The following IRAK4 variants were observed in gnomAD, a reference collection of about 807,000 sequenced individuals.
IRAK4 encodes the protein interleukin-1 receptor-associated kinase 4.
A neutral mutation model predicts 51.8 loss-of-function variants in IRAK4; 44 were observed. The ratio of observed to expected loss-of-function variants is 0.85; its 90% CI spans 0.67 to 1.09. The LOEUF is 1.09. IRAK4 is among the 50% of genes least tolerant of loss of function. The pLI is 0.00. For missense variants in IRAK4, 487 were observed against 538.0 expected, an observed-to-expected ratio of 0.91 and a Z score of 0.94; for synonymous variants, 149 against 174.1, an observed-to-expected ratio of 0.86 and a Z score of 1.13.
intron 1 of IRAK4, among the ~76,000 whole-genome samples, chr12:43,762,168 GGT>G: frequency 6.6e-6 from 1 of 152,114 alleles, no homozygotes; most frequent in Non-Finnish European, 1.5e-5. Context: ...GTAAGTATGT[GGT>G]TGGGAGTGGT....
Position 43,786,972 on chromosome 12 carries a change from A to G in IRAK4, c.*257A>G. ...ATCTCCTTCAAGCATCACCAAACAC[A>G]GTTTGAAAATTACAGGGTTAGCAAA... On this transcript the variant is annotated 3_prime_UTR_variant, in exon 12 of 12. Transcript: ENST00000613694. 2.0e-6 allele frequency: 1 copy of G among 500,714 alleles called. No homozygotes were observed. The highest frequency in any genetic ancestry group is 2.6e-5 in the South Asian group (1 of 38,110). The allele number at this position is 500,714 out of a possible 1,614,324, so 31.0% of individuals were successfully genotyped here.
In IRAK4 at chr12:43,782,543, A is replaced by C. The variant is rs4251525; in HGVS notation, c.1125+53A>C. The C allele has an allele frequency of 3.4e-3, 4,778 of 1,404,622 alleles. 118 individuals carry two copies. In the African/African-American group the frequency reaches 0.055, roughly 16 times the overall value. The allele number at this position is 1,404,622 out of a possible 1,614,324, so 87.0% of individuals were successfully genotyped here. On this transcript the variant is annotated intron_variant, in intron 9 of 11. Coordinates refer to ENST00000613694, the MANE Select transcript of IRAK4 (RefSeq NM_016123.4). ...AATAATCATTCTGCTATAATTGTGA[A>C]AATGAAGAGAATATTATTTAATACA...
At chr12:43,780,572 C>CTTT (rs530751019) in intron 8 of IRAK4, among the ~76,000 whole-genome samples, 43 of 134,096 alleles carry the variant, frequency 3.2e-4, no homozygotes, top group African/African-American at 1.1e-3. Flanking sequence ...CCTGTATGTT[C>CTTT]TTTTTTTTTT....
rs764597369 is a variant in IRAK4 at position 43,771,348 on chromosome 12, C to A, written c.290C>A (p.Ala97Glu). The change falls in exon 3 of 12, where the codon GCG becomes GAG. Residue 97 changes from alanine (A) to glutamate (E), a missense_variant. By Grantham distance (107) the Ala-to-Glu change is moderately radical. Transcript: ENST00000613694. ...LLIQNEFFAP[A>E]SLLLPDAVPK... Reference sequence around the variant, plus strand: ...ATCCAAAATGAATTTTTTGCTCCTGCGAGTCTTTTGCTCCCAGGTAAACTG... The same window carrying A: ...ATCCAAAATGAATTTTTTGCTCCTGAGAGTCTTTTGCTCCCAGGTAAACTG... 6.2e-7 allele frequency: 1 copy of A among 1,614,100 alleles called. No homozygotes were observed. Among genetic ancestry groups the A allele is most frequent in the Non-Finnish European group, 8.5e-7 (1 of 1,179,980 alleles).
intron 10 of IRAK4, among the ~76,000 whole-genome samples, chr12:43,784,742 G>A (rs1942064488): frequency 6.6e-6 from 1 of 152,142 alleles, no homozygotes; most frequent in South Asian, 2.1e-4. Context: ...AATCTTTGGA[G>A]AAGGTTTTAC....
chr12:43,759,539 C>T (rs4251568), intron 1 of IRAK4: 4 of 152,566 alleles, frequency 2.6e-5, no homozygotes, highest in Non-Finnish European at 4.4e-5. Context: ...AAAAGTGTAC[C>T]TGTCAGCTTG....
In IRAK4 at chr12:43,768,213, G is replaced by T; in HGVS notation, c.102G>T (p.Lys34Asn). The T allele has an allele frequency of 6.2e-7, 1 of 1,613,376 alleles. No individual in the cohort carries two copies. Among genetic ancestry groups the T allele is most frequent in the Non-Finnish European group, 8.5e-7 (1 of 1,179,484 alleles). ...DFIDPQEGWK[K>N]LAVAIKKPSG... ...TTGATCCTCAAGAAGGATGGAAGAA[G>T]TTAGCTGTAGCTATTAAAAAACCAT... The change falls in exon 2 of 12, where the codon AAG becomes AAT. Residue 34 changes from lysine (K) to asparagine (N), a missense_variant. Transcript: ENST00000613694.
chr12:43,767,188 A>G (rs1209262307), intron 1 of IRAK4, among the ~76,000 whole-genome samples: 1 of 152,224 alleles, frequency 6.6e-6, no homozygotes, highest in African/African-American at 2.4e-5. Flanking sequence ...ATTGGAAGGA[A>G]AGATCATTTC....
intron 1 of IRAK4, among the ~76,000 whole-genome samples, chr12:43,760,195 T>C (rs1347878913): frequency 6.8e-6 from 1 of 146,824 alleles, no homozygotes; most frequent in Admixed American, 6.6e-5. Context: ...GTAAACTTGG[T>C]TATGCTGTCT....
chr12:43,772,100 T>G, intron 3 of IRAK4, 80 bp from the exon 4 acceptor site: 1 of 1,118,628 alleles, frequency 8.9e-7, no homozygotes, highest in South Asian at 1.3e-5. Flanking sequence ...TGATATTAAA[T>G]GAACCAAGTT....
intron 4 of IRAK4, 104 bp downstream of exon 4, chr12:43,772,466 C>A: frequency 2.1e-6 from 2 of 970,776 alleles, no homozygotes; most frequent in Non-Finnish European, 3.3e-6. Context: ...ATCACAGGCA[C>A]ACTGGCAATA....
intron 6 of IRAK4, 147 bp from the exon 7 acceptor site, chr12:43,777,483 T>C: frequency 3.1e-6 from 2 of 644,490 alleles, no homozygotes; most frequent in Non-Finnish European, 4.9e-6. Flanking sequence ...ACAATAAACA[T>C]ATATAAACAT....
rs1465941653 is a variant in IRAK4 at position 43,777,696 on chromosome 12, A to G, written c.783A>G (p.Val261=). 4 of 1,613,264 alleles carry G rather than the reference A, an allele frequency of 2.5e-6. No homozygotes were observed. Among genetic ancestry groups the G allele is most frequent in the Non-Finnish European group, 3.4e-6 (4 of 1,179,598 alleles). The change falls in exon 7 of 12, where the codon GTA becomes GTG. Residue 261 remains valine (V), a synonymous_variant. Coordinates refer to ENST00000613694, the MANE Select transcript of IRAK4 (RefSeq NM_016123.4). ...FSSDGDDLCL[V]YVYMPNGSLL... ...GTGATGGAGATGACCTCTGCTTAGT[A>G]TATGTTTACATGCCTAATGGTTCAT...
chr12:43,788,054 CATAA>C lies in IRAK4; in HGVS notation c.*1358_*1361del, dbSNP rs138875923. The C allele has an allele frequency of 4.7e-3, 709 of 151,882 alleles. 5 individuals carry two copies. The highest frequency in any genetic ancestry group is 0.015 in the African/African-American group (629 of 41,368). The allele number at this position is 151,882 out of a possible 1,614,324, so 9.4% of individuals were successfully genotyped here. A position where few individuals can be genotyped will look rare whatever the true frequency, so the allele number is the denominator to read the frequency against. On this transcript the variant is annotated 3_prime_UTR_variant, in exon 12 of 12. Coordinates refer to ENST00000613694, the MANE Select transcript of IRAK4 (RefSeq NM_016123.4). Reference sequence around the variant, plus strand: ...CCTGGGTGACAGAGTGAGACTCCATCATAAATAAATAAATAAATAAATGGGTCAC... The same window carrying C: ...CCTGGGTGACAGAGTGAGACTCCATCATAAATAAATAAATAAATGGGTCAC...
In IRAK4 at chr12:43,788,539, C is replaced by CT. The variant is rs538947924; in HGVS notation, c.*1842dup. 0.053 allele frequency: 6,901 copies of CT among 130,546 alleles called. 577 individuals carry two copies. The highest frequency in any genetic ancestry group is 0.17 in the African/African-American group (5,595 of 33,760). The allele number at this position is 130,546 out of a possible 1,614,324, so 8.1% of individuals were successfully genotyped here. A position where few individuals can be genotyped will look rare whatever the true frequency, so the allele number is the denominator to read the frequency against. ...CATGGAATCAAGGAATATGTTAGGG[C>CT]TTTTTTTTTTTTTTTTTTGAGACGG... is the stretch of plus-strand genomic sequence containing the variant. On this transcript the variant is annotated 3_prime_UTR_variant, in exon 12 of 12. Coordinates refer to ENST00000613694, the MANE Select transcript of IRAK4 (RefSeq NM_016123.4).
Position 43,782,394 on chromosome 12 carries a change from C to T in IRAK4, c.1029C>T (p.Val343=), listed in dbSNP as rs773464920. The change falls in exon 9 of 12, where the codon GTC becomes GTT. Residue 343 remains valine, a synonymous_variant. Coordinates refer to ENST00000613694, the MANE Select transcript of IRAK4 (RefSeq NM_016123.4). ...ARASEKFAQT[V]MTSRIVGTTA... is the part of the protein sequence containing the mutation. ...CTTCTGAGAAGTTTGCCCAGACAGT[C>T]ATGACTAGCAGAATTGTGGGAACAA... 4.3e-6 allele frequency: 7 copies of T among 1,613,792 alleles called. No homozygotes were observed. In the East Asian group the frequency reaches 8.9e-5, roughly 21 times the overall value.
intron 8 of IRAK4, among the ~76,000 whole-genome samples, chr12:43,781,188 A>G (rs1941748328): frequency 1.3e-5 from 2 of 152,168 alleles, no homozygotes; most frequent in African/African-American, 2.4e-5. Flanking sequence ...GTGAGCCTCA[A>G]AATTTTCACT....
chr12:43,780,386 A>C (rs1237123691), intron 8 of IRAK4, among the ~76,000 whole-genome samples: 1 of 152,138 alleles, frequency 6.6e-6, no homozygotes, highest in Non-Finnish European at 1.5e-5. Flanking sequence ...GATCCAGATT[A>C]AAAGGGAGAG....
At chr12:43,773,732 T>G (rs1941009192) in intron 5 of IRAK4, 1 of 341,168 alleles carries the variant, frequency 2.9e-6, no homozygotes, top group Non-Finnish European at 5.3e-6. Context: ...TCGTGTTATT[T>G]CATTTTGTTT....
Sources: gnomAD v4.1 joint callset for allele counts (sites outside exome capture counted in the v4.1 genomes callset) on GRCh38, gnomAD v4.1.1 for gene constraint, MANE v1.5 for transcripts, NCBI Gene and HGNC (gene_info 2026-07-23, HGNC 2026-07-21) for gene names.